The following PHEX variants were observed in gnomAD, a reference collection of about 807,000 sequenced individuals.
PHEX encodes the protein phosphate-regulating neutral endopeptidase PHEX.
Under a neutral mutation model 68.0 loss-of-function variants are expected in PHEX, and 16 were observed. That is an observed-to-expected ratio of 0.24 (90% CI 0.16 to 0.36). PHEX has a LOEUF of 0.36. Among genes scored for constraint, PHEX ranks in the 10% least tolerant of loss-of-function variants. The pLI is 1.00. For synonymous variants in PHEX, 208 were observed against 205.1 expected (o/e 1.01, Z -0.12); for missense variants, 480 against 575.5 (o/e 0.83, Z 1.70).
chrX:22,249,455 A>AAAAATATATATATATATATATATATATAT lies in PHEX; in HGVS notation c.*1503_*1504insAAATATATATATATATATATATATATATA. 2.5e-5 allele frequency: 1 copy of AAAAATATATATATATATATATATATATAT among 39,758 alleles called. No homozygotes were observed. Among genetic ancestry groups the AAAAATATATATATATATATATATATATAT allele is most frequent in the Non-Finnish European group, 4.1e-5 (1 of 24,471 alleles). The allele number at this position is 39,758 out of a possible 1,213,427, so 3.3% of individuals were successfully genotyped here. A position where few individuals can be genotyped will look rare whatever the true frequency, so the allele number is the denominator to read the frequency against. ...TTGTGATTCTTTTAAAAAAAAAAAA[A>AAAAATATATATATATATATATATATATAT]ATATATATATATATATATATATATA... On this transcript the variant is annotated 3_prime_UTR_variant, in exon 22 of 22. Transcript: ENST00000379374.
At chrX:22,063,184 G>C (rs1928451349) in intron 3 of PHEX, among the ~76,000 whole-genome samples, 1 of 112,203 alleles carries the variant, frequency 8.9e-6, no homozygotes, top group African/African-American at 3.2e-5. Context: ...GAACCATTCA[G>C]AATGACTGCT....
chrX:22,104,070 A>G (rs1420718653), intron 9 of PHEX, among the ~76,000 whole-genome samples: 1 of 111,486 alleles, frequency 9.0e-6, no homozygotes, highest in African/African-American at 3.3e-5. Context: ...AGCATTTTTC[A>G]TATGTTTGTT....
intron 5 of PHEX, among the ~76,000 whole-genome samples, chrX:22,086,623 T>C (rs1929641347): frequency 9.0e-6 from 1 of 111,511 alleles, no homozygotes; most frequent in Admixed American, 9.6e-5. Flanking sequence ...TTCTGGGATA[T>C]TGCTGGTGAG....
chrX:22,178,810 A>G (rs1314329000), intron 14 of PHEX, among the ~76,000 whole-genome samples: 1 of 112,137 alleles, frequency 8.9e-6, no homozygotes, highest in Admixed American at 9.4e-5. Context: ...ATGCCTATCA[A>G]AGAACTGATA....
At chrX:22,176,264 G>A (rs1398735624) in intron 13 of PHEX, among the ~76,000 whole-genome samples, 1 of 107,808 alleles carries the variant, frequency 9.3e-6, no homozygotes, top group East Asian at 2.9e-4. Context: ...GTGCATGTCT[G>A]TAATCCCAGC....
At chrX:22,099,454 A>C in intron 9 of PHEX, 1 of 247,461 alleles carries the variant, frequency 4.0e-6, no homozygotes, top group Non-Finnish European at 7.1e-6. Context: ...ATTTTCTAAA[A>C]TGTCTGTGTG....
intron 18 of PHEX, among the ~76,000 whole-genome samples, chrX:22,222,746 T>C (rs1048314597): frequency 1.8e-5 from 2 of 111,891 alleles, no homozygotes; most frequent in Non-Finnish European, 1.9e-5. Flanking sequence ...GATGAAACTT[T>C]TCACTTAATT....
chrX:22,079,356 A>G (rs1416976633), intron 5 of PHEX, among the ~76,000 whole-genome samples: 1 of 111,415 alleles, frequency 9.0e-6, no homozygotes, highest in Non-Finnish European at 1.9e-5. Flanking sequence ...AGCTTCAACA[A>G]CTCTCAACCT....
intron 18 of PHEX, 50 bp from the exon 19 acceptor site, chrX:22,226,393 A>G (rs1417536123): frequency 1.1e-6 from 1 of 873,025 alleles, no homozygotes; most frequent in Non-Finnish European, 1.7e-6. Context: ...ATGATAGTTG[A>G]CCGTGAAACA....
intron 13 of PHEX, 54 bp downstream of exon 13, chrX:22,168,443 G>A: frequency 1.2e-6 from 1 of 808,868 alleles, no homozygotes; most frequent in Non-Finnish European, 1.9e-6. Context: ...TACTGGCCTT[G>A]TGCCTTTCAA....
At chrX:22,105,997 G>A (rs1161167882) in intron 9 of PHEX, among the ~76,000 whole-genome samples, 4 of 111,779 alleles carry the variant, frequency 3.6e-5, no homozygotes, top group South Asian at 3.7e-4. Flanking sequence ...TCTTTGTGGT[G>A]GGTGCTCTTT....
In PHEX at chrX:22,248,361, A is replaced by G. The variant is rs951396472; in HGVS notation, c.*408A>G. The G allele has an allele frequency of 5.6e-6, 1 of 177,825 alleles. No individual in the cohort carries two copies. Among genetic ancestry groups the G allele is most frequent in the African/African-American group, 2.9e-5 (1 of 34,212 alleles). 14.7% of individuals were successfully genotyped at this position (177,825 alleles called of 1,213,427 possible). ...AATCTATTAAACTTGTAGCCTCTCA[A>G]TGATGAAGACATGTGCATGAATACC... On this transcript the variant is annotated 3_prime_UTR_variant, in exon 22 of 22. Coordinates refer to ENST00000379374, the MANE Select transcript of PHEX (RefSeq NM_000444.6).
chrX:22,104,069 CAT>C (rs1211445777), intron 9 of PHEX, among the ~76,000 whole-genome samples: 4 of 112,010 alleles, frequency 3.6e-5, no homozygotes, highest in Non-Finnish European at 7.5e-5. Flanking sequence ...GAGCATTTTT[CAT>C]ATGTTTGTTG....
At chrX:22,035,999 TACACACACACACAC>T (rs767503875) in intron 1 of PHEX, among the ~76,000 whole-genome samples, 1 of 76,773 alleles carries the variant, frequency 1.3e-5, no homozygotes, top group South Asian at 6.8e-4. Context: ...TAATTAATTA[TACACACACACACAC>T]ACACACACAC....
At chrX:22,234,854 A>G (rs1310127149) in intron 20 of PHEX, among the ~76,000 whole-genome samples, 2 of 109,954 alleles carry the variant, frequency 1.8e-5, no homozygotes, top group Non-Finnish European at 1.9e-5. Flanking sequence ...CACACAGAAA[A>G]ACAACAACAA....
At chrX:22,120,385 A>G (rs952042633) in intron 11 of PHEX, among the ~76,000 whole-genome samples, 2 of 111,756 alleles carry the variant, frequency 1.8e-5, no homozygotes, top group Non-Finnish European at 3.8e-5. Flanking sequence ...AGGAGACCAG[A>G]ACCTTCTTAG....
At chrX:22,168,076 A>G (rs1248522486) in intron 12 of PHEX, among the ~76,000 whole-genome samples, 1 of 111,112 alleles carries the variant, frequency 9.0e-6, no homozygotes, top group African/African-American at 3.3e-5. Flanking sequence ...TATTTCTATT[A>G]AATTTTTTAT....
intron 1 of PHEX, among the ~76,000 whole-genome samples, chrX:22,037,040 A>C (rs5904607): frequency 0.21 from 21,997 of 103,938 alleles, 2,131 homozygotes; most frequent in African/African-American, 0.3. Flanking sequence ...CAGAGCTTGC[A>C]GTGAGCCAAG....
At chrX:22,084,625 C>A (rs1929545769) in intron 5 of PHEX, among the ~76,000 whole-genome samples, 1 of 102,245 alleles carries the variant, frequency 9.8e-6, no homozygotes, top group Admixed American at 1.1e-4. Context: ...GTGAAGACAT[C>A]AAGTCCTGGG....
Sources: gnomAD v4.1 joint callset for allele counts (sites outside exome capture counted in the v4.1 genomes callset) on GRCh38, gnomAD v4.1.1 for gene constraint, MANE v1.5 for transcripts, NCBI Gene and HGNC (gene_info 2026-07-23, HGNC 2026-07-21) for gene names.